The following ERGIC1 variants were observed in gnomAD, a reference collection of about 807,000 sequenced individuals.
ERGIC1 encodes endoplasmic reticulum-Golgi intermediate compartment protein 1.
In ERGIC1, 19 loss-of-function variants were observed where a neutral mutation model predicts 38.3. The observed-to-expected ratio is 0.50, with a 90% CI of 0.35 to 0.73. The LOEUF is 0.73. Ranked by LOEUF, ERGIC1 falls within the 30% of genes least tolerant of loss-of-function variation. ERGIC1 has a pLI of 0.01. For synonymous variants in ERGIC1, 124 were observed against 157.6 expected, an observed-to-expected ratio of 0.79 and a Z score of 1.60; for missense variants, 294 against 389.2, an observed-to-expected ratio of 0.76 and a Z score of 2.06.
intron 8 of ERGIC1, chr5:172,933,151 T>G (rs1763813602): frequency 6.6e-6 from 1 of 152,496 alleles, no homozygotes; most frequent in South Asian, 2.1e-4. Flanking sequence ...CAATGGGACA[T>G]GAATACTTGA....
At chr5:172,851,665 G>T (rs1356298983) in intron 1 of ERGIC1, among the ~76,000 whole-genome samples, 1 of 152,134 alleles carries the variant, frequency 6.6e-6, no homozygotes, top group African/African-American at 2.4e-5. Flanking sequence ...AGGGAGGTGG[G>T]GGGGTATGGT....
In ERGIC1 at chr5:172,927,183, G is replaced by A. The variant is rs189649481; in HGVS notation, c.541+614G>A. 425 of 153,024 alleles carry A rather than the reference G, an allele frequency of 2.8e-3. 1 individual carries two copies. Among genetic ancestry groups the A allele is most frequent in the South Asian group, 0.02 (99 of 4,872 alleles). The allele number at this position is 153,024 out of a possible 1,614,324, so 9.5% of individuals were successfully genotyped here. On this transcript the variant is annotated intron_variant, in intron 7 of 9. Coordinates refer to ENST00000393784, the MANE Select transcript of ERGIC1 (RefSeq NM_001031711.3). ...CATGAGCTCACATGGCCCCAGACAC[G>A]TGCACAGAATGGGCCCGGGAGGCCT...
chr5:172,867,146 C>T (rs1305318194), intron 1 of ERGIC1: 6 of 452,644 alleles, frequency 1.3e-5, no homozygotes, highest in Middle Eastern at 6.5e-4. Flanking sequence ...GTTTGAGTTC[C>T]ACCTCCAGTG....
chr5:172,867,661 T>G (rs1168486792), intron 1 of ERGIC1: 1 of 306,994 alleles, frequency 3.3e-6, no homozygotes, highest in African/African-American at 2.2e-5. Flanking sequence ...TGCCCTAGCA[T>G]GAACCAGCAG....
chr5:172,947,013 G>A (rs1764137095), intron 9 of ERGIC1, among the ~76,000 whole-genome samples: 1 of 151,810 alleles, frequency 6.6e-6, no homozygotes, highest in South Asian at 2.1e-4. Flanking sequence ...GTAAAACCCA[G>A]TCTTTACTAA....
At chr5:172,888,561 T>G in intron 1 of ERGIC1, 138 bp from the exon 2 acceptor site, 2 of 727,820 alleles carry the variant, frequency 2.7e-6, no homozygotes, top group Non-Finnish European at 5.1e-6. Context: ...TTGGAGAAAG[T>G]GTCCTGAAAG....
chr5:172,935,177 C>T lies in ERGIC1; in HGVS notation c.643-11C>T, dbSNP rs1432252138. The T allele has an allele frequency of 2.5e-6, 4 of 1,614,066 alleles. No individual in the cohort carries two copies. Among genetic ancestry groups the T allele is most frequent in the African/African-American group, 1.3e-5 (1 of 75,038 alleles). On this transcript the variant is annotated splice_polypyrimidine_tract_variant and intron_variant, in intron 8 of 9. Coordinates refer to ENST00000393784, the MANE Select transcript of ERGIC1 (RefSeq NM_001031711.3). ...AGTTTGTACTTCTGATTCTTATATC[C>T]TCTACCCCAGGAATACGTCGCCTAC...
chr5:172,893,941 A>ATATATATATATATATATATATATATG (rs1259799557), intron 2 of ERGIC1, among the ~76,000 whole-genome samples: 19 of 38,666 alleles, frequency 4.9e-4, no homozygotes, highest in African/African-American at 1.2e-3. Flanking sequence ...GTGTGTATAT[A>ATATATATATATATATATATATATATG]TATATATATA....
chr5:172,914,088 A>AT (rs1052209818), intron 4 of ERGIC1, among the ~76,000 whole-genome samples: 3 of 151,882 alleles, frequency 2.0e-5, no homozygotes, highest in East Asian at 1.9e-4. Flanking sequence ...TACAAAAAAA[A>AT]TTTTTTTGTA....
intron 7 of ERGIC1, among the ~76,000 whole-genome samples, chr5:172,927,482 C>T (rs1561739993): frequency 6.6e-6 from 1 of 151,958 alleles, no homozygotes; most frequent in South Asian, 2.1e-4. Flanking sequence ...TGCAGTTTAC[C>T]GTCTGCTTTT....
chr5:172,915,966 C>T (rs1763354928), intron 5 of ERGIC1: 1 of 204,112 alleles, frequency 4.9e-6, no homozygotes, highest in Admixed American at 5.7e-5. Context: ...TATGAAAAGA[C>T]CAGGAATCCA....
In ERGIC1 at chr5:172,909,673, C is replaced by A; in HGVS notation, c.162C>A (p.Asn54Lys). Reference protein sequence around the residue: ...LTGFITTEVVNELYVDDPDKD... With the variant: ...LTGFITTEVVKELYVDDPDKD... ...ATACTTGTCTTTCCCCTAGTGTGAA[C>A]GAGCTCTATGTCGATGACCCAGACA... is the stretch of plus-strand genomic sequence containing the variant. The change falls in exon 4 of 10, where the codon AAC becomes AAA. Residue 54 changes from asparagine to lysine, a missense_variant. Physicochemically the swap from Asn to Lys is moderately conservative, Grantham distance 94 (BLOSUM62 0). Coordinates refer to ENST00000393784, the MANE Select transcript of ERGIC1 (RefSeq NM_001031711.3). 4.3e-6 allele frequency: 7 copies of A among 1,614,128 alleles called. No homozygotes were observed. Among genetic ancestry groups the A allele is most frequent in the Non-Finnish European group, 5.9e-6 (7 of 1,179,976 alleles).
chr5:172,940,008 A>T (rs1184302327), intron 9 of ERGIC1, among the ~76,000 whole-genome samples: 1 of 152,202 alleles, frequency 6.6e-6, no homozygotes, highest in African/African-American at 2.4e-5. Context: ...CTAAACGGCA[A>T]ATGGGGGCCT....
At chr5:172,905,597 C>A in intron 3 of ERGIC1, 1 of 371,832 alleles carries the variant, frequency 2.7e-6, no homozygotes, top group Non-Finnish European at 5.6e-6. Context: ...AATGGCCAGC[C>A]TCTAGTCCGA....
At chr5:172,895,639 G>A (rs1581551417) in intron 2 of ERGIC1, among the ~76,000 whole-genome samples, 1 of 152,156 alleles carries the variant, frequency 6.6e-6, no homozygotes, top group East Asian at 1.9e-4. Context: ...GCAGAGGCTG[G>A]GAACACAGAC....
chr5:172,855,072 C>G (rs1002326117), intron 1 of ERGIC1, among the ~76,000 whole-genome samples: 5 of 152,210 alleles, frequency 3.3e-5, no homozygotes, highest in African/African-American at 1.2e-4. Flanking sequence ...AGCTCTCCTT[C>G]AGACACCTAC....
In ERGIC1 at chr5:172,893,935, G is replaced by GTGTGTGTGTGTATA. The variant is rs1429850022; in HGVS notation, c.83-3066_83-3065insGTGTGTGTGTATAT. 2.5e-3 allele frequency among the ~76,000 whole-genome samples: 105 copies of GTGTGTGTGTGTATA among 42,796 alleles called. 2 individuals are homozygous for GTGTGTGTGTGTATA. Among genetic ancestry groups the GTGTGTGTGTGTATA allele is most frequent in the Middle Eastern group, 0.015 (1 of 68 alleles). 28.1% of individuals were successfully genotyped at this position (42,796 alleles called of 152,430 possible). ...TGTGTGTGTGTGTGTGTGTGTGTGT[G>GTGTGTGTGTGTATA]TATATATATATATATATATTTAAAT... On this transcript the variant is annotated intron_variant, in intron 2 of 9. Coordinates refer to ENST00000393784, the MANE Select transcript of ERGIC1 (RefSeq NM_001031711.3).
In ERGIC1 at chr5:172,861,443, G is replaced by T. The variant is rs182648088; in HGVS notation, c.20+27010G>T. ...ATGGGAACCTCGGTTCCTCAGAGGC[G>T]CAGGCTTTGCCTGTCTTGTTCATGC... On this transcript the variant is annotated intron_variant, in intron 1 of 9. Coordinates refer to ENST00000393784, the MANE Select transcript of ERGIC1 (RefSeq NM_001031711.3). 2.8e-4 allele frequency among the ~76,000 whole-genome samples: 42 copies of T among 152,324 alleles called. No individual in the cohort carries two copies. In the East Asian group the frequency reaches 5.0e-3, roughly 18 times the overall value.
At chr5:172,873,007 C>T (rs957249200) in intron 1 of ERGIC1, among the ~76,000 whole-genome samples, 4 of 152,184 alleles carry the variant, frequency 2.6e-5, no homozygotes, top group Non-Finnish European at 5.9e-5. Flanking sequence ...CTGACACCAA[C>T]AGTTTATTCT....
Sources: gnomAD v4.1 joint callset for allele counts (sites outside exome capture counted in the v4.1 genomes callset) on GRCh38, gnomAD v4.1.1 for gene constraint, MANE v1.5 for transcripts, NCBI Gene and HGNC (gene_info 2026-07-23, HGNC 2026-07-21) for gene names.